The following TYK2 variants were observed in gnomAD, a reference collection of about 807,000 sequenced individuals.
TYK2 encodes the protein non-receptor tyrosine-protein kinase TYK2.
A neutral mutation model predicts 130.9 loss-of-function variants in TYK2; 65 were observed. The ratio of observed to expected loss-of-function variants is 0.50; its 90% confidence interval spans 0.41 to 0.61. The LOEUF is 0.61. TYK2 is among the 20% of genes least tolerant of loss of function. TYK2 has a pLI of 0.00. For synonymous variants in TYK2, 647 were observed against 658.9 expected (o/e 0.98, Z 0.28); for missense variants, 1,378 against 1,610.7 (o/e 0.86, Z 2.47).
chr19:10,377,595 A>G (rs943509562), intron 3 of TYK2, among the ~76,000 whole-genome samples: 1,468 of 11,114 alleles, frequency 0.13, no homozygotes, highest in South Asian at 0.15. Flanking sequence ...TGGATGGATG[A>G]ATGGATGGAT....
intron 23 of TYK2, among the ~76,000 whole-genome samples, chr19:10,351,714 A>C (rs188307174): frequency 1.1e-4 from 16 of 152,250 alleles, no homozygotes; most frequent in Non-Finnish European, 1.5e-4. Flanking sequence ...GTTATTATTA[A>C]GCCTCACAGC....
Position 10,378,358 on chromosome 19 carries a change from C to G in TYK2, c.49G>C (p.Asp17His). The G allele has an allele frequency of 6.2e-7, 1 of 1,612,364 alleles. No individual in the cohort carries two copies. The highest frequency in any genetic ancestry group is 8.5e-7 in the Non-Finnish European group (1 of 1,179,842). Reference sequence around the variant, plus strand: ...ATGGCAGCCATGGGCTGGGCTCCATCCCCAACGGGCTTACTGCCCCTGGCC... The same window carrying G: ...ATGGCAGCCATGGGCTGGGCTCCATGCCCAACGGGCTTACTGCCCCTGGCC... ...GMARGSKPVG[D>H]GAQPMAAMGG... The change falls in exon 3 of 25, where the codon GAT (aspartate) becomes CAT (histidine). Residue 17 changes from aspartate (D) to histidine (H), a missense_variant. Physicochemically the swap from Asp to His is moderately conservative, Grantham distance 81 (BLOSUM62 -1). Coordinates refer to ENST00000525621, the MANE Select transcript of TYK2 (RefSeq NM_003331.5).
chr19:10,372,022 G>C (rs1190466690), intron 3 of TYK2, among the ~76,000 whole-genome samples: 1 of 151,470 alleles, frequency 6.6e-6, no homozygotes, highest in Admixed American at 6.6e-5. Context: ...ACGGAGTCTC[G>C]ATCTGTCGCC....
chr19:10,373,197 C>T (rs1337983324), intron 3 of TYK2, among the ~76,000 whole-genome samples: 2 of 150,946 alleles, frequency 1.3e-5, no homozygotes, highest in Non-Finnish European at 3.0e-5. Context: ...CCACCACGCC[C>T]GGCTAATTTT....
Position 10,364,254 on chromosome 19 carries a change from T to A in TYK2, c.1367+360A>T, listed in dbSNP as rs951394983. On this transcript the variant is annotated intron_variant, in intron 9 of 24. Coordinates refer to ENST00000525621, the MANE Select transcript of TYK2 (RefSeq NM_003331.5). This position sits in a 1 kb window ranked among gnomAD's most constrained non-coding sequence, Gnocchi z 4.9. ...GGCCGGGCGTGGTGGCTCATGCCTGTAATACCAGCACTTTGGGAGGCCGAG... is the reference window on the plus strand; with the variant it reads ...GGCCGGGCGTGGTGGCTCATGCCTGAAATACCAGCACTTTGGGAGGCCGAG... 6.6e-6 allele frequency among the ~76,000 whole-genome samples: 1 copy of A among 152,166 alleles called. No homozygotes were observed. Among genetic ancestry groups the A allele is most frequent in the Non-Finnish European group, 1.5e-5 (1 of 68,036 alleles).
Position 10,353,930 on chromosome 19 carries a change from CTG to C in TYK2, c.2908+110_2908+111del. The C allele has an allele frequency of 8.5e-7, 1 of 1,181,120 alleles. No individual in the cohort carries two copies. Among genetic ancestry groups the C allele is most frequent in the African/African-American group, 1.5e-5 (1 of 66,176 alleles). 73.2% of individuals were successfully genotyped at this position (1,181,120 alleles called of 1,614,324 possible). Reference sequence around the variant, plus strand: ...GATGCCAAGAACCGCGTACTGCAGCCTGGGGTTGAGAGTCTCTAATTGGCTAG... The same window carrying C: ...GATGCCAAGAACCGCGTACTGCAGCCGGGTTGAGAGTCTCTAATTGGCTAG... On this transcript the variant is annotated intron_variant, in intron 20 of 24. Transcript: ENST00000525621. The surrounding 1 kb of genome is among the most constrained non-coding windows in gnomAD (Gnocchi z 6.9).
At chr19:10,370,062 A>C (rs568563673) in intron 3 of TYK2, among the ~76,000 whole-genome samples, 14 of 150,080 alleles carry the variant, frequency 9.3e-5, no homozygotes, top group Middle Eastern at 3.6e-3. Context: ...CAACAAAACA[A>C]AACAAAGAAT....
chr19:10,351,548 A>C, intron 23 of TYK2: 2 of 302,898 alleles, frequency 6.6e-6, no homozygotes, highest in Non-Finnish European at 1.3e-5. Context: ...TTCCAATCCC[A>C]CCTCTTACAC....
chr19:10,356,001 C>T lies in TYK2; in HGVS notation c.2617+567G>A, dbSNP rs1189937013. On this transcript the variant is annotated intron_variant, in intron 18 of 24. Transcript: ENST00000525621. ...GAGCATATTAATTTTTTAAAGAGAA[C>T]AATACAAAACTTTTTTAAAAAGAAA... is the stretch of plus-strand genomic sequence containing the variant. Among the ~76,000 whole-genome samples the T allele has an allele frequency of 3.3e-5, 5 of 151,684 alleles. No homozygotes were observed. The East Asian group carries it at 9.7e-4, about 30-fold the overall frequency.
intron 17 of TYK2, 22 bp downstream of exon 17, chr19:10,357,742 C>A (rs369299418): frequency 6.3e-7 from 1 of 1,589,060 alleles, no homozygotes; most frequent in Non-Finnish European, 8.6e-7. Context: ...GCGGGGAGGG[C>A]CCAAGGGTCT....
At position 10,378,229 on chromosome 19, in the gene TYK2, T is replaced by C. The variant is rs755663053; in HGVS notation, c.178A>G (p.Ile60Val). Residue 60 changes from isoleucine to valine, a missense_variant, in exon 3 of 25, where the codon ATT becomes GTT. By Grantham distance (29) the Ile-to-Val change is conservative. Transcript: ENST00000525621. ...CCAGACTCACCAACTTTATGTGCAA[T>C]GTGGATGCAGACTTCCTCAGCTGTC... is the stretch of plus-strand genomic sequence containing the variant. ...SLTAEEVCIH[I>V]AHKVGITPPC... 8 of 1,612,604 alleles carry C rather than the reference T, an allele frequency of 5.0e-6. No homozygotes were observed. The East Asian group carries it at 1.3e-4, about 27-fold the overall frequency.
chr19:10,358,134 T>C lies in TYK2; in HGVS notation c.2180A>G (p.Asn727Ser). 1 of 1,607,382 alleles carries C rather than the reference T, an allele frequency of 6.2e-7. No individual in the cohort carries two copies. Among genetic ancestry groups the C allele is most frequent in the Non-Finnish European group, 8.5e-7 (1 of 1,177,450 alleles). Residue 727 changes from asparagine (N) to serine (S), a missense_variant, in exon 16 of 25, where the codon AAC becomes AGC. Asn to Ser is a conservative substitution (Grantham distance 46, BLOSUM62 1). Coordinates refer to ENST00000525621, the MANE Select transcript of TYK2 (RefSeq NM_003331.5). ...CACATTACCATGAACCAGGTTCTTG[T>C]TCTCCTGAGGTGGGCAGGAGAGGGG... ...QLASALSYLE[N>S]KNLVHGNVCG...
rs143495504 is a variant in TYK2 at position 10,375,619 on chromosome 19, T to C, written c.193+2595A>G. Among the ~76,000 whole-genome samples, 1,185 of 137,108 alleles carry C rather than the reference T, an allele frequency of 8.6e-3. 9 individuals carry two copies. Among genetic ancestry groups the C allele is most frequent in the Middle Eastern group, 0.076 (13 of 170 alleles). 89.9% of individuals were successfully genotyped at this position (137,108 alleles called of 152,430 possible). ...GTGACAGAGTGAGACCCTATGTCAT[T>C]AAAAAAAGAAAATTGGGCCGGGCAT... On this transcript the variant is annotated intron_variant, in intron 3 of 24. Coordinates refer to ENST00000525621, the MANE Select transcript of TYK2 (RefSeq NM_003331.5).
Position 10,364,501 on chromosome 19 carries a change from AT to A in TYK2, c.1367+112del. 1.5e-6 allele frequency: 2 copies of A among 1,316,962 alleles called. No homozygotes were observed. Among genetic ancestry groups the A allele is most frequent in the Non-Finnish European group, 2.1e-6 (2 of 944,490 alleles). The allele number at this position is 1,316,962 out of a possible 1,614,324, so 81.6% of individuals were successfully genotyped here. A position where few individuals can be genotyped will look rare whatever the true frequency, so the allele number is the denominator to read the frequency against. ...TGCACTCCAGTTTGGGCGACAAAAA[AT>A]AAAAAAAAAATAAGACGTGCACCTA... On this transcript the variant is annotated intron_variant, in intron 9 of 24. Transcript: ENST00000525621. The surrounding 1 kb of genome is among the most constrained non-coding windows in gnomAD (Gnocchi z 4.9).
Position 10,378,569 on chromosome 19 carries a change from T to C in TYK2, c.-20-143A>G, listed in dbSNP as rs1190545213. On this transcript the variant is annotated intron_variant, in intron 2 of 24. Coordinates refer to ENST00000525621, the MANE Select transcript of TYK2 (RefSeq NM_003331.5). ...GCATGACATTAGAGACCCGATTCCC[T>C]CTCTGAGTCTCGTTTTCCACATTTA... The C allele has an allele frequency of 2.6e-5, 17 of 657,992 alleles. No individual in the cohort carries two copies. The South Asian group carries it at 2.9e-4, about 11-fold the overall frequency. 40.8% of individuals were successfully genotyped at this position (657,992 alleles called of 1,614,324 possible).
chr19:10,359,111 G>C lies in TYK2; in HGVS notation c.2175+64C>G, dbSNP rs947599620. On this transcript the variant is annotated intron_variant, in intron 15 of 24. Coordinates refer to ENST00000525621, the MANE Select transcript of TYK2 (RefSeq NM_003331.5). The stretch of plus-strand genomic sequence containing the variant: ...GGGTCTCGCCCTGTTGCCCAGGCTG[G>C]TCTCGAACTCCTGGGCTCCTGGCCC... The C allele has an allele frequency of 2.0e-5, 32 of 1,585,842 alleles. No individual in the cohort carries two copies. The South Asian group carries it at 2.1e-4, about 10-fold the overall frequency.
chr19:10,351,229 G>A (rs1265766530), intron 23 of TYK2, 67 bp from the exon 24 acceptor site: 44 of 1,303,834 alleles, frequency 3.4e-5, no homozygotes, highest in Non-Finnish European at 4.8e-5. Context: ...GCTCATGCCT[G>A]TAATCCCAGC....
chr19:10,354,014 T>C, intron 20 of TYK2, 28 bp downstream of exon 20: 4 of 1,611,598 alleles, frequency 2.5e-6, no homozygotes, highest in Non-Finnish European at 3.4e-6. Flanking sequence ...CCCCCTCAAG[T>C]CTCTAGGACT....
At chr19:10,379,061 G>T (rs1180400376) in intron 2 of TYK2, among the ~76,000 whole-genome samples, 2 of 152,052 alleles carry the variant, frequency 1.3e-5, no homozygotes, top group African/African-American at 2.4e-5. Flanking sequence ...GTTTTGCCAT[G>T]TTGGCCAGGC....
Sources: gnomAD v4.1 joint callset for allele counts (sites outside exome capture counted in the v4.1 genomes callset) on GRCh38, gnomAD v4.1.1 for gene constraint, Gnocchi (gnomAD v3.1) non-coding constraint, MANE v1.5 for transcripts, NCBI Gene and HGNC (gene_info 2026-07-23, HGNC 2026-07-21) for gene names.